The following RAD51B variants were observed in gnomAD, a reference collection of about 807,000 sequenced individuals.
RAD51B encodes the protein RAD51 paralog B, also known as DNA repair protein RAD51 homolog 2.
Under a neutral mutation model 42.2 loss-of-function variants are expected in RAD51B, and 38 were observed. The ratio of observed to expected loss-of-function variants is 0.90; its 90% CI spans 0.70 to 1.18. RAD51B has a LOEUF of 1.18. RAD51B is among the 50% of genes most tolerant of loss of function. The pLI is 0.00. For synonymous variants in RAD51B, 154 were observed against 145.2 expected (o/e 1.06, Z -0.43); for missense variants, 373 against 400.7 (o/e 0.93, Z 0.59).
At chr14:68,586,701 T>C (rs1194978197) in intron 10 of RAD51B, among the ~76,000 whole-genome samples, 4 of 152,164 alleles carry the variant, frequency 2.6e-5, no homozygotes, top group Admixed American at 6.5e-5. Context: ...AGTCACCCCC[T>C]TTAAAAGTTG....
chr14:68,349,526 C>A (rs1381670005), intron 8 of RAD51B, among the ~76,000 whole-genome samples: 2 of 152,100 alleles, frequency 1.3e-5, no homozygotes, highest in Admixed American at 1.3e-4. Flanking sequence ...GCCCGACGCC[C>A]AGCTAATTTC....
intron 7 of RAD51B, among the ~76,000 whole-genome samples, chr14:68,215,462 T>G (rs1391268922): frequency 2.0e-5 from 3 of 152,206 alleles, no homozygotes; most frequent in Non-Finnish European, 4.4e-5. Context: ...TGAGCACCAA[T>G]CTGTTCCAAC....
intron 7 of RAD51B, among the ~76,000 whole-genome samples, chr14:67,988,754 A>G (rs1349720100): frequency 6.6e-6 from 1 of 152,200 alleles, no homozygotes; most frequent in African/African-American, 2.4e-5. Flanking sequence ...TGCAGTATTA[A>G]AAGTGCTTTG....
At chr14:68,323,620 C>T (rs997121948) in intron 8 of RAD51B, among the ~76,000 whole-genome samples, 1 of 152,154 alleles carries the variant, frequency 6.6e-6, no homozygotes, top group Non-Finnish European at 1.5e-5. Context: ...GGTGAAACCC[C>T]ATCTCTACTA....
chr14:68,267,146 G>A (rs532785330), intron 7 of RAD51B, among the ~76,000 whole-genome samples: 1 of 152,302 alleles, frequency 6.6e-6, no homozygotes, highest in East Asian at 1.9e-4. Flanking sequence ...AACTCGAAAA[G>A]GGGAAGAGTA....
chr14:68,170,166 C>T (rs2078841725), intron 7 of RAD51B, among the ~76,000 whole-genome samples: 1 of 152,164 alleles, frequency 6.6e-6, no homozygotes, highest in South Asian at 2.1e-4. Context: ...ACCTACTCTA[C>T]TTGAATTTGC....
At chr14:68,092,576 T>C (rs1044268150) in intron 7 of RAD51B, among the ~76,000 whole-genome samples, 15 of 152,210 alleles carry the variant, frequency 9.9e-5, no homozygotes, top group Non-Finnish European at 2.9e-5. Flanking sequence ...CTGAAGTTGC[T>C]TATCAGCTTA....
At chr14:67,952,698 A>G (rs2074476384) in intron 7 of RAD51B, among the ~76,000 whole-genome samples, 1 of 152,082 alleles carries the variant, frequency 6.6e-6, no homozygotes, top group African/African-American at 2.4e-5. Flanking sequence ...TAGGAGTAGT[A>G]GGAGGGGGAG....
At chr14:67,894,127 G>A (rs938413506) in intron 7 of RAD51B, among the ~76,000 whole-genome samples, 2 of 152,182 alleles carry the variant, frequency 1.3e-5, no homozygotes, top group African/African-American at 4.8e-5. Flanking sequence ...GACTCATAGG[G>A]CTGTGAGTAT....
intron 7 of RAD51B, among the ~76,000 whole-genome samples, chr14:68,089,881 T>C (rs2077060629): frequency 6.6e-6 from 1 of 152,176 alleles, no homozygotes; most frequent in Non-Finnish European, 1.5e-5. Context: ...GATTTATATA[T>C]GTGGGCTTTT....
intron 8 of RAD51B, among the ~76,000 whole-genome samples, chr14:68,373,235 G>A (rs1392396101): frequency 6.6e-6 from 1 of 152,194 alleles, no homozygotes; most frequent in Non-Finnish European, 1.5e-5. Flanking sequence ...CCCTGAGTAT[G>A]TTGCATTTAT....
At chr14:67,986,793 G>A (rs1241007646) in intron 7 of RAD51B, among the ~76,000 whole-genome samples, 4 of 152,140 alleles carry the variant, frequency 2.6e-5, no homozygotes, top group East Asian at 1.9e-4. Context: ...GTTCAGTGGC[G>A]TGATCTCGAC....
chr14:67,926,348 G>A (rs1275998388), intron 7 of RAD51B, among the ~76,000 whole-genome samples: 1 of 152,022 alleles, frequency 6.6e-6, no homozygotes, highest in Non-Finnish European at 1.5e-5. Flanking sequence ...AATCTCTAGG[G>A]CAGGGGCAAA....
chr14:68,111,825 G>A (rs2140587140), intron 7 of RAD51B, among the ~76,000 whole-genome samples: 1 of 152,156 alleles, frequency 6.6e-6, no homozygotes, highest in South Asian at 2.1e-4. Flanking sequence ...GGTCACCTGC[G>A]GTGATAAGTA....
At chr14:68,108,273 A>G (rs997272974) in intron 7 of RAD51B, among the ~76,000 whole-genome samples, 1 of 151,982 alleles carries the variant, frequency 6.6e-6, no homozygotes, top group Non-Finnish European at 1.5e-5. Context: ...ACCTAGGTAT[A>G]TACCCAAGAG....
intron 10 of RAD51B, among the ~76,000 whole-genome samples, chr14:68,635,255 C>A (rs1595039897): frequency 6.6e-6 from 1 of 152,328 alleles, no homozygotes. Context: ...CCATGCACCC[C>A]CAACTTCCTT....
intron 9 of RAD51B, among the ~76,000 whole-genome samples, chr14:68,450,287 C>G (rs958996267): frequency 2.9e-5 from 4 of 139,518 alleles, no homozygotes; most frequent in African/African-American, 1.1e-4. Flanking sequence ...GGCACGATCT[C>G]TGCTCACTGC....
At chr14:68,600,451 G>T (rs1891172209), downstream of RAD51B, among the ~76,000 whole-genome samples, 2 of 152,186 alleles carry the variant, frequency 1.3e-5, no homozygotes, top group African/African-American at 4.8e-5. Context: ...TGATCCCACA[G>T]GAGCCAGCCC....
intron 7 of RAD51B, among the ~76,000 whole-genome samples, chr14:68,101,444 TG>T (rs146096886): frequency 0.12 from 17,493 of 151,970 alleles, 1,349 homozygotes; most frequent in Middle Eastern, 0.31. Context: ...CTAGATACAG[TG>T]GGGGTACAGG....
Sources: allele counts gnomAD v4.1 joint callset (sites outside exome capture counted in the v4.1 genomes callset), GRCh38; gene constraint gnomAD v4.1.1; transcripts MANE v1.5; gene names NCBI Gene and HGNC (gene_info 2026-07-23, HGNC 2026-07-21).